ZNF41: variants seen among roughly 807,000 people sequenced by gnomAD.
ZNF41 encodes the protein zinc finger protein 41.
A neutral mutation model predicts 9.3 loss-of-function variants in ZNF41; 6 were observed. The observed-to-expected ratio is 0.65, with a 90% confidence interval of 0.35 to 1.28. ZNF41 has a LOEUF of 1.28. Among genes scored for constraint, ZNF41 ranks in the 50% most tolerant of loss-of-function variants. ZNF41 has a pLI of 0.03. For synonymous variants in ZNF41, 192 were observed against 207.1 expected (o/e 0.93, Z 0.63); for missense variants, 523 against 585.8 (o/e 0.89, Z 1.11).
intron 1 of ZNF41, among the ~76,000 whole-genome samples, chrX:47,469,161 A>G (rs2057088617): frequency 1.9e-5 from 2 of 103,058 alleles, no homozygotes; most frequent in Admixed American, 2.1e-4. Flanking sequence ...AATACAAAAA[A>G]TTAGCCGGGC....
At chrX:47,469,300 G>A (rs2057097919) in intron 1 of ZNF41, among the ~76,000 whole-genome samples, 1 of 65,841 alleles carries the variant, frequency 1.5e-5, no homozygotes, top group South Asian at 1.1e-3. Context: ...GACAGAGCGA[G>A]ACTCCGTCTC....
chrX:47,477,893 C>T (rs761955785), intron 1 of ZNF41, among the ~76,000 whole-genome samples: 76 of 112,543 alleles, frequency 6.8e-4, no homozygotes, highest in Non-Finnish European at 1.3e-3. Context: ...AAAACTTGTA[C>T]GCAAATGCTC....
chrX:47,457,382 C>T (rs1197926291), intron 2 of ZNF41, among the ~76,000 whole-genome samples: 3 of 109,666 alleles, frequency 2.7e-5, no homozygotes, highest in African/African-American at 1.0e-4. Flanking sequence ...TGCACTTCAG[C>T]CTGGGTGATA....
chrX:47,467,933 G>A (rs1315893226), intron 1 of ZNF41, among the ~76,000 whole-genome samples, 173 bp from the exon 2 acceptor site: 1 of 112,059 alleles, frequency 8.9e-6, no homozygotes, highest in African/African-American at 3.2e-5. Context: ...TTAACAGGAT[G>A]AAAATACCTA....
intron 4 of ZNF41, among the ~76,000 whole-genome samples, chrX:47,453,192 G>T (rs1039739357): frequency 2.4e-4 from 27 of 111,601 alleles, no homozygotes; most frequent in African/African-American, 7.8e-4. Flanking sequence ...GCCTTCCAAA[G>T]TTCTGGGTTT....
At chrX:47,476,214 G>A (rs2057328391) in intron 1 of ZNF41, among the ~76,000 whole-genome samples, 1 of 110,780 alleles carries the variant, frequency 9.0e-6, no homozygotes, top group Non-Finnish European at 1.9e-5. Flanking sequence ...TGAGCTGGGT[G>A]TGGTGATGCG....
intron 2 of ZNF41, chrX:47,467,182 A>G: frequency 2.8e-6 from 2 of 707,911 alleles, no homozygotes; most frequent in Non-Finnish European, 4.1e-6. Context: ...CTCTAGTGTA[A>G]TCAGCCACAT....
intron 1 of ZNF41, among the ~76,000 whole-genome samples, chrX:47,473,151 G>A (rs1381894584): frequency 9.0e-6 from 1 of 111,053 alleles, no homozygotes; most frequent in Non-Finnish European, 1.9e-5. Flanking sequence ...AGCCTCCTAA[G>A]TCGCTGGGAC....
chrX:47,480,966 C>G (rs1283529699), intron 1 of ZNF41, among the ~76,000 whole-genome samples: 1 of 110,550 alleles, frequency 9.0e-6, no homozygotes, highest in Non-Finnish European at 1.9e-5. Flanking sequence ...AGCATCATTC[C>G]TGCACGTAAT....
intron 1 of ZNF41, among the ~76,000 whole-genome samples, chrX:47,480,409 AT>A (rs1237509867): frequency 9.0e-6 from 1 of 111,365 alleles, no homozygotes. Context: ...ATACACCAAA[AT>A]AAATTCCAGT....
intron 4 of ZNF41, among the ~76,000 whole-genome samples, chrX:47,455,038 G>A (rs749285736): frequency 9.1e-6 from 1 of 109,892 alleles, no homozygotes; most frequent in African/African-American, 3.3e-5. Context: ...CTGAGGTTGG[G>A]AGTTCGAGAC....
At chrX:47,470,411 CAA>C (rs58574926) in intron 1 of ZNF41, among the ~76,000 whole-genome samples, 401 of 37,682 alleles carry the variant, frequency 0.011, 2 homozygotes, top group African/African-American at 0.037. Context: ...GACTCCGTCT[CAA>C]AAAAAAAAAA....
In ZNF41 at chrX:47,467,461, A is replaced by G; in HGVS notation, c.21T>C (p.Ser7=). ...CAGCCAGGGCCGGGGACCATGGGGGAGAGTCCCCATTAGCTGCCATGTTCA... is the reference window on the plus strand; with the variant it reads ...CAGCCAGGGCCGGGGACCATGGGGGGGAGTCCCCATTAGCTGCCATGTTCA... MAANGD[S]PPWSPALAAE... Residue 7 remains serine (S), a synonymous_variant, in exon 2 of 5, where the codon TCT becomes TCC. Coordinates refer to ENST00000684689, the MANE Select transcript of ZNF41 (RefSeq NM_001324144.2). The G allele has an allele frequency of 1.7e-6, 2 of 1,188,051 alleles. No homozygotes were observed. The highest frequency in any genetic ancestry group is 2.3e-6 in the Non-Finnish European group (2 of 882,623).
intron 2 of ZNF41, among the ~76,000 whole-genome samples, chrX:47,462,448 C>T (rs1602915269): frequency 9.0e-6 from 1 of 110,959 alleles, no homozygotes; most frequent in Non-Finnish European, 1.9e-5. Context: ...GTTCTTTTAT[C>T]GCTTTCTTTG....
At chrX:47,457,028 G>A (rs1389812327) in intron 2 of ZNF41, among the ~76,000 whole-genome samples, 1 of 112,122 alleles carries the variant, frequency 8.9e-6, no homozygotes, top group African/African-American at 3.2e-5. Context: ...TCAGAAAAAG[G>A]AACAAGTCTT....
Position 47,449,493 on chromosome X carries a change from A to G in ZNF41, c.296-19T>C, listed in dbSNP as rs777287906. 4.4e-5 allele frequency: 52 copies of G among 1,193,803 alleles called. No individual in the cohort carries two copies. In the Admixed American group the frequency reaches 7.8e-4, roughly 18 times the overall value. On this transcript the variant is annotated intron_variant, in intron 4 of 4. Transcript: ENST00000684689. ...GCCTCACCTAAAAAGAAAATGAAAG[A>G]AATGAAAACGACACAAAGAACAATC... is the stretch of plus-strand genomic sequence containing the variant.
At chrX:47,466,508 T>G (rs772504038) in intron 2 of ZNF41, among the ~76,000 whole-genome samples, 1 of 107,296 alleles carries the variant, frequency 9.3e-6, no homozygotes, top group Non-Finnish European at 1.9e-5. Flanking sequence ...GGGCGAGTCA[T>G]GTGTCTTCTG....
rs781382280 is a variant in ZNF41, at chrX:47,480,971, C to T, written c.-280+2124G>A. On this transcript the variant is annotated intron_variant, in intron 1 of 4. Coordinates refer to ENST00000684689, the MANE Select transcript of ZNF41 (RefSeq NM_001324144.2). ...TGAACTTAAAAGCATCATTCCTGCA[C>T]GTAATGATCACTCAGGTGACAGCCT... is the stretch of plus-strand genomic sequence containing the variant. Among the ~76,000 whole-genome samples, 8 of 110,665 alleles carry T rather than the reference C, an allele frequency of 7.2e-5. 1 individual carries two copies. The South Asian group carries it at 2.3e-3, about 32-fold the overall frequency.
Position 47,462,019 on chromosome X carries a change from C to A in ZNF41, c.72+5391G>T, listed in dbSNP as rs760950698. ...TTGGGATTACAGGCATGAGCCACAG[C>A]ACCCAGCTGTAAAAACTTTTGCCCA... is the stretch of plus-strand genomic sequence containing the variant. On this transcript the variant is annotated intron_variant, in intron 2 of 4. Coordinates refer to ENST00000684689, the MANE Select transcript of ZNF41 (RefSeq NM_001324144.2). 2.6e-3 allele frequency among the ~76,000 whole-genome samples: 270 copies of A among 104,677 alleles called. 1 individual carries two copies. The highest frequency in any genetic ancestry group is 4.1e-3 in the Non-Finnish European group (211 of 51,245). The allele number at this position is 104,677 out of a possible 115,157, so 90.9% of individuals were successfully genotyped here. A position where few individuals can be genotyped will look rare whatever the true frequency, so the allele number is the denominator to read the frequency against.
Sources: allele counts gnomAD v4.1 joint callset (sites outside exome capture counted in the v4.1 genomes callset), GRCh38; gene constraint gnomAD v4.1.1; transcripts MANE v1.5; gene names NCBI Gene and HGNC (gene_info 2026-07-23, HGNC 2026-07-21).